ARNT2: variants seen among roughly 807,000 people sequenced by gnomAD.
ARNT2 encodes the protein aryl hydrocarbon receptor nuclear translocator 2.
ARNT2 carries 36 observed loss-of-function variants against 91.7 expected under a neutral mutation model. The ratio of observed to expected loss-of-function variants is 0.39; its 90% CI spans 0.30 to 0.52. The LOEUF (loss-of-function observed/expected upper bound fraction) is 0.52. Ranked by LOEUF, ARNT2 falls within the 20% of genes least tolerant of loss-of-function variation. ARNT2 has a pLI of 0.72. For synonymous variants in ARNT2, 365 were observed against 347.1 expected (o/e 1.05, Z -0.57); for missense variants, 775 against 939.3 (o/e 0.83, Z 2.29).
At chr15:80,547,768 G>A (rs890063817) in intron 8 of ARNT2, among the ~76,000 whole-genome samples, 3 of 152,072 alleles carry the variant, frequency 2.0e-5, no homozygotes, top group African/African-American at 7.2e-5. Flanking sequence ...TTTCTGATGA[G>A]ATACATGGTG....
chr15:80,525,877 T>A (rs973967137), intron 8 of ARNT2, among the ~76,000 whole-genome samples: 1 of 152,200 alleles, frequency 6.6e-6, no homozygotes, highest in African/African-American at 2.4e-5. Flanking sequence ...GTTCCCTAAT[T>A]ACCAACAATA....
intron 8 of ARNT2, among the ~76,000 whole-genome samples, chr15:80,546,308 T>G (rs1596007139): frequency 6.6e-6 from 1 of 152,210 alleles, no homozygotes; most frequent in African/African-American, 2.4e-5. Context: ...GTCATATCTA[T>G]GTTTCATATG....
intron 9 of ARNT2, among the ~76,000 whole-genome samples, chr15:80,552,376 A>C (rs542373381): frequency 1.5e-4 from 23 of 152,346 alleles, no homozygotes; most frequent in Admixed American, 5.2e-4. Context: ...TTTAAGGCTC[A>C]CAAATGCCCT....
intron 15 of ARNT2, among the ~76,000 whole-genome samples, chr15:80,579,204 G>A (rs1188671557): frequency 6.6e-6 from 1 of 152,200 alleles, no homozygotes; most frequent in Non-Finnish European, 1.5e-5. Context: ...ACCAAGGGCT[G>A]GGGGCTGTGG....
chr15:80,575,231 G>T (rs749131934), intron 14 of ARNT2, 121 bp downstream of exon 14: 22 of 1,337,902 alleles, frequency 1.6e-5, no homozygotes, highest in Admixed American at 1.5e-4. Flanking sequence ...AGTAACCATT[G>T]CAGGGTATAA....
At chr15:80,515,284 A>T (rs1897414502) in intron 8 of ARNT2, among the ~76,000 whole-genome samples, 1 of 152,232 alleles carries the variant, frequency 6.6e-6, no homozygotes, top group Non-Finnish European at 1.5e-5. Flanking sequence ...GAGAATTGAA[A>T]ATGTTCATAG....
At chr15:80,535,736 T>G (rs933355374) in intron 8 of ARNT2, among the ~76,000 whole-genome samples, 3 of 135,092 alleles carry the variant, frequency 2.2e-5, no homozygotes, top group Middle Eastern at 3.7e-3. Flanking sequence ...AGGTTTTTTT[T>G]TTTTTTGTCT....
chr15:80,552,312 C>T (rs1028024215), intron 9 of ARNT2, among the ~76,000 whole-genome samples: 28 of 152,196 alleles, frequency 1.8e-4, no homozygotes, highest in African/African-American at 6.5e-4. Flanking sequence ...AGGGGATTAA[C>T]ATTTATTGAG....
At chr15:80,593,424 G>C (rs2141490962) in intron 18 of ARNT2, among the ~76,000 whole-genome samples, 176 bp from the exon 19 acceptor site, 1 of 152,308 alleles carries the variant, frequency 6.6e-6, no homozygotes. Flanking sequence ...AGTTTCCCCG[G>C]GTCTCAGACA....
intron 6 of ARNT2, among the ~76,000 whole-genome samples, chr15:80,513,396 G>A (rs1183015163): frequency 6.6e-6 from 1 of 152,204 alleles, no homozygotes; most frequent in Non-Finnish European, 1.5e-5. Flanking sequence ...CAGCTGTCTG[G>A]TTGTCCCTAG....
intron 8 of ARNT2, 145 bp downstream of exon 8, chr15:80,514,550 A>G: frequency 1.4e-6 from 1 of 700,800 alleles, no homozygotes. Flanking sequence ...GATCTTTGTA[A>G]TTGGAAAACA....
In ARNT2 at chr15:80,569,763, A is replaced by T. The variant is rs530266996; in HGVS notation, c.1317-4385A>T. ...AACCCTTATCACAGCCTTTATCCAC[A>T]TTAGAAACATGGGCCTTCCCCAAAC... is the stretch of plus-strand genomic sequence containing the variant. On this transcript the variant is annotated intron_variant, in intron 12 of 18. Transcript: ENST00000303329. Among the ~76,000 whole-genome samples the T allele has an allele frequency of 3.9e-5, 6 of 152,340 alleles. No individual in the cohort carries two copies. The South Asian group carries it at 1.0e-3, about 26-fold the overall frequency.
At chr15:80,575,420 G>A (rs935032765) in intron 14 of ARNT2, among the ~76,000 whole-genome samples, 4 of 152,182 alleles carry the variant, frequency 2.6e-5, no homozygotes, top group Admixed American at 6.5e-5. Context: ...CACTGGGAGG[G>A]CACTGCAGAG....
intron 1 of ARNT2, among the ~76,000 whole-genome samples, chr15:80,420,177 T>C (rs1172876246): frequency 6.6e-6 from 1 of 152,182 alleles, no homozygotes; most frequent in Non-Finnish European, 1.5e-5. Context: ...TATGAACATA[T>C]GAATATATGT....
chr15:80,431,051 G>A (rs558767592), intron 1 of ARNT2, among the ~76,000 whole-genome samples: 3 of 152,116 alleles, frequency 2.0e-5, no homozygotes, highest in East Asian at 3.9e-4. Context: ...GGAATCCAAT[G>A]TCACGATCCC....
intron 2 of ARNT2, 127 bp from the exon 3 acceptor site, chr15:80,457,802 C>A: frequency 1.0e-6 from 1 of 983,716 alleles, no homozygotes; most frequent in Non-Finnish European, 1.5e-6. Flanking sequence ...GCTTGTAGCA[C>A]TGCCAAAGGT....
At chr15:80,572,257 G>A (rs1180299502) in intron 12 of ARNT2, among the ~76,000 whole-genome samples, 1 of 151,994 alleles carries the variant, frequency 6.6e-6, no homozygotes, top group Non-Finnish European at 1.5e-5. Context: ...TCCTTCCACG[G>A]TGGCCACACA....
intron 1 of ARNT2, among the ~76,000 whole-genome samples, chr15:80,441,928 C>T (rs1309196224): frequency 6.6e-6 from 1 of 152,228 alleles, no homozygotes; most frequent in African/African-American, 2.4e-5. Flanking sequence ...CATTTCCCCT[C>T]TGTGTGTAAT....
chr15:80,587,046 G>A (rs1893185616), intron 17 of ARNT2, among the ~76,000 whole-genome samples: 1 of 152,104 alleles, frequency 6.6e-6, no homozygotes, highest in South Asian at 2.1e-4. Context: ...TTTTACCAGT[G>A]AATTATGGGG....
Sources: allele counts gnomAD v4.1 joint callset (sites outside exome capture counted in the v4.1 genomes callset), GRCh38; gene constraint gnomAD v4.1.1; transcripts MANE v1.5; gene names NCBI Gene and HGNC (gene_info 2026-07-23, HGNC 2026-07-21).